PTGER3: variants seen among roughly 807,000 people sequenced by gnomAD.
The protein encoded by PTGER3 is prostaglandin E2 receptor EP3 subtype.
Under a neutral mutation model 34.7 loss-of-function variants are expected in PTGER3, and 22 were observed. The observed-to-expected ratio is 0.63, with a 90% CI of 0.45 to 0.91. PTGER3 has a LOEUF of 0.91. Ranked by LOEUF, PTGER3 falls within the 40% of genes least tolerant of loss-of-function variation. PTGER3 has a pLI of 0.00. For synonymous variants in PTGER3, 241 were observed against 230.1 expected (o/e 1.05, Z -0.43); for missense variants, 468 against 519.4 (o/e 0.90, Z 0.96).
At chr1:70,856,202 A>G (rs1645799181) in intron 4 of PTGER3, among the ~76,000 whole-genome samples, 1 of 152,142 alleles carries the variant, frequency 6.6e-6, no homozygotes, top group South Asian at 2.1e-4. Flanking sequence ...CTGTTAACAA[A>G]GTTGTCAGTT....
intron 1 of PTGER3, among the ~76,000 whole-genome samples, chr1:71,016,156 C>T (rs1373642702): frequency 6.6e-6 from 1 of 152,162 alleles, no homozygotes; most frequent in African/African-American, 2.4e-5. Flanking sequence ...TGATCTCAAA[C>T]TTCTGGCTTC....
intron 4 of PTGER3, among the ~76,000 whole-genome samples, chr1:70,881,792 G>C (rs1219653969): frequency 6.6e-6 from 1 of 152,212 alleles, no homozygotes; most frequent in Non-Finnish European, 1.5e-5. Context: ...TAGCAGACAA[G>C]CCATTTCCTT....
intron 2 of PTGER3, chr1:71,011,510 C>A: frequency 1.0e-6 from 1 of 985,236 alleles, no homozygotes; most frequent in Non-Finnish European, 1.2e-6. Flanking sequence ...CTTCCTTAGG[C>A]TCATAGAAAT....
chr1:70,877,684 G>C (rs1484058548), intron 4 of PTGER3, among the ~76,000 whole-genome samples: 1 of 152,062 alleles, frequency 6.6e-6, no homozygotes, highest in Non-Finnish European at 1.5e-5. Context: ...TTATTGGAGA[G>C]CTTTTTTGTA....
At chr1:71,027,042 T>C (rs11209736) in intron 1 of PTGER3, among the ~76,000 whole-genome samples, 56,799 of 152,044 alleles carry the variant, frequency 0.37, 11,536 homozygotes, top group South Asian at 0.47. Context: ...AGAGCAATTC[T>C]TACTGTACTA....
intron 1 of PTGER3, among the ~76,000 whole-genome samples, 188 bp from the exon 2 acceptor site, chr1:71,012,672 C>T (rs1657551006): frequency 6.6e-6 from 1 of 152,184 alleles, no homozygotes; most frequent in Non-Finnish European, 1.5e-5. Flanking sequence ...TATTTTCCCA[C>T]ATTTGTGGCT....
intron 2 of PTGER3, chr1:71,010,145 G>A (rs1657316103): frequency 1.0e-6 from 1 of 984,880 alleles, no homozygotes; most frequent in Admixed American, 6.2e-5. Context: ...TTGCCTTTCT[G>A]TATTTTTGCA....
chr1:70,936,463 G>A (rs1649241120), intron 4 of PTGER3, among the ~76,000 whole-genome samples: 1 of 152,044 alleles, frequency 6.6e-6, no homozygotes, highest in African/African-American at 2.4e-5. Context: ...AGTATAGAAT[G>A]GGGATTTTAA....
At chr1:71,039,289 A>G (rs1660082907) in intron 1 of PTGER3, among the ~76,000 whole-genome samples, 6 of 152,136 alleles carry the variant, frequency 3.9e-5, no homozygotes, top group Admixed American at 3.9e-4. Context: ...TAGAAGCTGT[A>G]AAAGGGAACA....
intron 2 of PTGER3, among the ~76,000 whole-genome samples, chr1:70,992,883 A>C (rs1302045266): frequency 6.6e-6 from 1 of 152,230 alleles, no homozygotes. Context: ...ATGATCATCC[A>C]TGCTAATTTG....
chr1:70,968,395 C>CT (rs1430903973), downstream of PTGER3, among the ~76,000 whole-genome samples: 13 of 151,778 alleles, frequency 8.6e-5, no homozygotes, highest in East Asian at 2.3e-3. Flanking sequence ...TCACAAGTAA[C>CT]TTTTTTTTGG....
chr1:70,941,170 T>A (rs1649724549), intron 4 of PTGER3, among the ~76,000 whole-genome samples: 1 of 152,324 alleles, frequency 6.6e-6, no homozygotes, highest in Admixed American at 6.5e-5. Context: ...AGTTGTCAAG[T>A]CTAAAAACTC....
At chr1:70,904,749 A>T (rs1448508233) in intron 4 of PTGER3, among the ~76,000 whole-genome samples, 2 of 152,224 alleles carry the variant, frequency 1.3e-5, no homozygotes, top group African/African-American at 4.8e-5. Context: ...GAAGCAGAGC[A>T]TAAAAGTTCA....
At chr1:70,875,917 T>C (rs1646262458) in intron 4 of PTGER3, among the ~76,000 whole-genome samples, 1 of 152,202 alleles carries the variant, frequency 6.6e-6, no homozygotes, top group South Asian at 2.1e-4. Flanking sequence ...CATGAGTCTT[T>C]ATGGTAGAAT....
intron 4 of PTGER3, among the ~76,000 whole-genome samples, chr1:70,909,012 C>T (rs1314799875): frequency 6.6e-6 from 1 of 152,136 alleles, no homozygotes; most frequent in Non-Finnish European, 1.5e-5. Flanking sequence ...AAGGCCCATC[C>T]ACTCACTCTC....
At chr1:70,884,118 A>C in intron 4 of PTGER3, 1 of 380,474 alleles carries the variant, frequency 2.6e-6, no homozygotes. Flanking sequence ...AAGGATCAGA[A>C]CACAATTATA....
chr1:70,853,828 CTCAA>C (rs1227486027), intron 4 of PTGER3, among the ~76,000 whole-genome samples: 11 of 152,160 alleles, frequency 7.2e-5, no homozygotes, highest in Admixed American at 2.0e-4. Context: ...TGTGCACGCA[CTCAA>C]TCAATCTTTG....
Position 70,923,209 on chromosome 1 carries a change from G to GTTT in PTGER3, c.*23+30551_*23+30553dup, listed in dbSNP as rs34738930. ...ATTGCCAAATACAAAATGGTGCTTGGTTTTTTTTTTTGGCTCTATTTGTAT... is the reference window on the plus strand; with the variant it reads ...ATTGCCAAATACAAAATGGTGCTTGGTTTTTTTTTTTTTTGGCTCTATTTGTAT... On this transcript the variant is annotated intron_variant, in intron 4 of 4. Transcript: ENST00000370931. 3.8e-3 allele frequency among the ~76,000 whole-genome samples: 563 copies of GTTT among 148,810 alleles called. 6 individuals are homozygous for GTTT. The highest frequency in any genetic ancestry group is 0.013 in the African/African-American group (542 of 40,736).
chr1:70,898,927 A>G (rs1028005851), intron 4 of PTGER3, among the ~76,000 whole-genome samples: 3 of 152,036 alleles, frequency 2.0e-5, no homozygotes, highest in African/African-American at 4.8e-5. Context: ...TTTCTTAACT[A>G]TTGCCTCTTT....
Sources: allele counts gnomAD v4.1 joint callset (sites outside exome capture counted in the v4.1 genomes callset), GRCh38; gene constraint gnomAD v4.1.1; transcripts MANE v1.5; gene names NCBI Gene and HGNC (gene_info 2026-07-23, HGNC 2026-07-21).